The following PPFIA2 variants were observed in gnomAD, a reference collection of about 807,000 sequenced individuals.
PPFIA2 encodes the protein PPFI scaffold protein A2.
In PPFIA2, 46 loss-of-function variants were observed where a neutral mutation model predicts 175.5. The observed-to-expected ratio is 0.26, with a 90% CI of 0.21 to 0.34. The LOEUF (loss-of-function observed/expected upper bound fraction) is 0.34. Among genes scored for constraint, PPFIA2 ranks in the 10% least tolerant of loss-of-function variants. The pLI is 1.00. For synonymous variants in PPFIA2, 568 were observed against 511.4 expected (o/e 1.11, Z -1.49); for missense variants, 1,179 against 1,506.1 (o/e 0.78, Z 3.60).
At chr12:81,626,625 C>T (rs1356959114) in intron 4 of PPFIA2, among the ~76,000 whole-genome samples, 3 of 152,040 alleles carry the variant, frequency 2.0e-5, no homozygotes, top group Non-Finnish European at 2.9e-5. Context: ...GTGTGCTGCA[C>T]ATTATGTTCT....
At chr12:81,743,346 G>A (rs1374015498) in intron 3 of PPFIA2, among the ~76,000 whole-genome samples, 6 of 145,282 alleles carry the variant, frequency 4.1e-5, no homozygotes, top group Admixed American at 1.4e-4. Context: ...GAACCCGGGA[G>A]GTGGAGGTTG....
intron 22 of PPFIA2, among the ~76,000 whole-genome samples, chr12:81,300,458 A>C (rs1004660780): frequency 6.6e-6 from 1 of 152,168 alleles, no homozygotes. Flanking sequence ...ATATTAATAC[A>C]TTAAGATATA....
intron 5 of PPFIA2, among the ~76,000 whole-genome samples, chr12:81,447,712 C>T (rs1021976618): frequency 3.9e-5 from 6 of 152,106 alleles, no homozygotes; most frequent in African/African-American, 9.7e-5. Flanking sequence ...GCACAGTGTC[C>T]GCCTTAATCC....
chr12:81,573,940 C>A (rs1166369166), intron 4 of PPFIA2, among the ~76,000 whole-genome samples: 1 of 151,902 alleles, frequency 6.6e-6, no homozygotes, highest in Non-Finnish European at 1.5e-5. Flanking sequence ...CTGCTCTATG[C>A]TGGAAACACT....
At chr12:81,357,735 G>A (rs192662101) in intron 16 of PPFIA2, among the ~76,000 whole-genome samples, 266 of 152,190 alleles carry the variant, frequency 1.7e-3, no homozygotes, top group African/African-American at 6.0e-3. Flanking sequence ...AATAGTACTG[G>A]AAACTACACA....
At chr12:81,533,272 T>C (rs1394876032) in intron 4 of PPFIA2, among the ~76,000 whole-genome samples, 1 of 151,774 alleles carries the variant, frequency 6.6e-6, no homozygotes, top group Non-Finnish European at 1.5e-5. Context: ...CATCACAATA[T>C]TTTAGTATAA....
chr12:81,738,668 T>C (rs1481025737), intron 3 of PPFIA2, among the ~76,000 whole-genome samples: 1 of 151,380 alleles, frequency 6.6e-6, no homozygotes, highest in Non-Finnish European at 1.5e-5. Context: ...GCATGAAAGG[T>C]TGATTTAAAA....
intron 4 of PPFIA2, chr12:81,598,222 C>T (rs2178685): frequency 0.4 from 545,754 of 1,353,084 alleles, 113,430 homozygotes; most frequent in Non-Finnish European, 0.43. Context: ...GCTGAAAGAT[C>T]ATCAGCCACC....
chr12:81,603,695 T>G (rs1174427862), intron 4 of PPFIA2, among the ~76,000 whole-genome samples: 1 of 151,582 alleles, frequency 6.6e-6, no homozygotes, highest in Non-Finnish European at 1.5e-5. Flanking sequence ...GTGTCAGACA[T>G]GGACACATGG....
intron 28 of PPFIA2, among the ~76,000 whole-genome samples, chr12:81,275,404 C>T (rs1195526310): frequency 1.3e-5 from 2 of 152,108 alleles, no homozygotes; most frequent in Admixed American, 6.5e-5. Context: ...CATTCAAGCC[C>T]GTTCCATTAG....
At chr12:81,491,902 C>T (rs554108343) in intron 4 of PPFIA2, among the ~76,000 whole-genome samples, 1 of 151,984 alleles carries the variant, frequency 6.6e-6, no homozygotes, top group Non-Finnish European at 1.5e-5. Context: ...TTCTGCTGTT[C>T]AATTTAGCCT....
chr12:81,449,501 AC>A (rs2052016155), intron 5 of PPFIA2, among the ~76,000 whole-genome samples: 2 of 151,122 alleles, frequency 1.3e-5, no homozygotes, highest in Non-Finnish European at 3.0e-5. Flanking sequence ...AAAAAAAAAA[AC>A]AAAAAAAAAT....
intron 3 of PPFIA2, among the ~76,000 whole-genome samples, chr12:81,709,908 C>T (rs1400443525): frequency 6.6e-6 from 1 of 151,792 alleles, no homozygotes; most frequent in Non-Finnish European, 1.5e-5. Flanking sequence ...GCTCATATTG[C>T]CATACTGTCT....
chr12:81,280,488 C>G (rs150131150), intron 27 of PPFIA2, among the ~76,000 whole-genome samples: 192 of 152,092 alleles, frequency 1.3e-3, no homozygotes, highest in Non-Finnish European at 2.4e-3. Context: ...AAATGTTGGA[C>G]AGGAGAGAAG....
intron 4 of PPFIA2, among the ~76,000 whole-genome samples, chr12:81,483,361 T>A (rs542372305): frequency 2.0e-5 from 3 of 152,178 alleles, no homozygotes; most frequent in Non-Finnish European, 4.4e-5. Context: ...TGCAGTGGAA[T>A]ATTAATTGGC....
At chr12:81,512,288 T>C (rs1249076218) in intron 4 of PPFIA2, 2 of 1,287,142 alleles carry the variant, frequency 1.6e-6, no homozygotes, top group East Asian at 5.6e-5. Flanking sequence ...ACATACCTGA[T>C]GTCCTGGTCG....
In PPFIA2 at chr12:81,486,424, G is replaced by A. The variant is rs573196730; in HGVS notation, c.304-28558C>T. On this transcript the variant is annotated intron_variant, in intron 4 of 32. Coordinates refer to ENST00000549396, the MANE Select transcript of PPFIA2 (RefSeq NM_003625.5). ...TAATATGCCATGCAGAAAACTTTCA[G>A]GATATTAACACATATAAAACATTTA... is the stretch of plus-strand genomic sequence containing the variant. Among the ~76,000 whole-genome samples the A allele has an allele frequency of 5.9e-5, 9 of 151,798 alleles. No homozygotes were observed. In the South Asian group the frequency reaches 1.9e-3, roughly 31 times the overall value.
intron 4 of PPFIA2, among the ~76,000 whole-genome samples, chr12:81,468,469 G>A (rs1434575057): frequency 6.6e-6 from 1 of 152,134 alleles, no homozygotes; most frequent in Non-Finnish European, 1.5e-5. Flanking sequence ...ACAGTGTAAA[G>A]CAGGAGGCAT....
At chr12:81,300,555 A>ATT (rs1309997181) in intron 22 of PPFIA2, among the ~76,000 whole-genome samples, 1 of 152,166 alleles carries the variant, frequency 6.6e-6, no homozygotes, top group South Asian at 2.1e-4. Flanking sequence ...GCAAAATACA[A>ATT]ATTTAAGTTA....
Sources: gnomAD v4.1 joint callset for allele counts (sites outside exome capture counted in the v4.1 genomes callset) on GRCh38, gnomAD v4.1.1 for gene constraint, MANE v1.5 for transcripts, NCBI Gene and HGNC (gene_info 2026-07-23, HGNC 2026-07-21) for gene names.